RNGTT: variants seen among roughly 807,000 people sequenced by gnomAD.
RNGTT encodes the protein mRNA-capping enzyme.
In RNGTT, 33 loss-of-function variants were observed where a neutral mutation model predicts 79.3. That is an observed-to-expected ratio of 0.42 (90% CI 0.32 to 0.56). The LOEUF (loss-of-function observed/expected upper bound fraction) is 0.56, where lower values mean the gene tolerates loss of function less well. Ranked by LOEUF, RNGTT falls within the 20% of genes least tolerant of loss-of-function variation. The pLI is 0.17. For synonymous variants in RNGTT, 222 were observed against 235.9 expected (o/e 0.94, Z 0.54); for missense variants, 497 against 739.1 (o/e 0.67, Z 3.80).
chr6:88,934,520 C>G (rs1784608329), intron 2 of RNGTT, among the ~76,000 whole-genome samples: 1 of 151,956 alleles, frequency 6.6e-6, no homozygotes, highest in Admixed American at 6.6e-5. Context: ...GATTTTTTTC[C>G]TGTTGTTTCC....
intron 12 of RNGTT, among the ~76,000 whole-genome samples, chr6:88,778,801 C>A (rs1398875051): frequency 6.6e-6 from 1 of 152,160 alleles, no homozygotes; most frequent in African/African-American, 2.4e-5. Context: ...TAGGAAACAC[C>A]TTTTAACTGT....
At chr6:88,881,103 A>G (rs1033664100) in intron 8 of RNGTT, among the ~76,000 whole-genome samples, 1 of 152,240 alleles carries the variant, frequency 6.6e-6, no homozygotes, top group Non-Finnish European at 1.5e-5. Context: ...GACAAAAGAA[A>G]TATTAAGAAA....
intron 13 of RNGTT, among the ~76,000 whole-genome samples, chr6:88,698,300 A>T (rs1206748154): frequency 7.3e-6 from 1 of 137,062 alleles, no homozygotes; most frequent in African/African-American, 2.8e-5. Flanking sequence ...TCATATATAT[A>T]TGAAATATAT....
chr6:88,841,303 G>C (rs1018845604), intron 11 of RNGTT, among the ~76,000 whole-genome samples: 1 of 152,120 alleles, frequency 6.6e-6, no homozygotes, highest in African/African-American at 2.4e-5. Flanking sequence ...CATAATAAAA[G>C]TAGGATGATT....
At chr6:88,882,587 T>TATA (rs1782724324) in intron 8 of RNGTT, among the ~76,000 whole-genome samples, 1 of 152,210 alleles carries the variant, frequency 6.6e-6, no homozygotes, top group Non-Finnish European at 1.5e-5. Context: ...CAAGTTAAAA[T>TATA]ATAACCAAGT....
intron 2 of RNGTT, among the ~76,000 whole-genome samples, 197 bp from the exon 3 acceptor site, chr6:88,929,464 T>C (rs182600764): frequency 1.3e-5 from 2 of 152,208 alleles, no homozygotes; most frequent in African/African-American, 4.8e-5. Context: ...AGCAGGCACT[T>C]GATAAAATAA....
intron 12 of RNGTT, among the ~76,000 whole-genome samples, chr6:88,797,836 A>G (rs770889792): frequency 2.0e-5 from 3 of 151,234 alleles, no homozygotes; most frequent in Non-Finnish European, 2.9e-5. Flanking sequence ...GTGGAATTAG[A>G]GGGCTCAATC....
chr6:88,867,119 C>T (rs959194573), intron 8 of RNGTT, among the ~76,000 whole-genome samples: 2 of 152,158 alleles, frequency 1.3e-5, no homozygotes, highest in Non-Finnish European at 2.9e-5. Context: ...TTCACATACA[C>T]ATAGAATTGT....
intron 2 of RNGTT, among the ~76,000 whole-genome samples, chr6:88,939,923 T>G (rs1388513979): frequency 6.6e-6 from 1 of 151,394 alleles, no homozygotes; most frequent in African/African-American, 2.4e-5. Flanking sequence ...CGGCTAATTT[T>G]TTTTTTTAAT....
At chr6:88,792,967 A>G (rs956158467) in intron 12 of RNGTT, among the ~76,000 whole-genome samples, 3 of 152,268 alleles carry the variant, frequency 2.0e-5, no homozygotes, top group Non-Finnish European at 4.4e-5. Flanking sequence ...CCTTTAGAAT[A>G]TTTACCAAAA....
intron 11 of RNGTT, among the ~76,000 whole-genome samples, chr6:88,843,286 A>G (rs1381470117): frequency 1.3e-5 from 2 of 152,044 alleles, no homozygotes; most frequent in African/African-American, 4.8e-5. Flanking sequence ...AATTCTACTT[A>G]CCCTGAAGAA....
intron 9 of RNGTT, among the ~76,000 whole-genome samples, chr6:88,852,285 C>T (rs189366055): frequency 2.0e-5 from 3 of 152,104 alleles, no homozygotes; most frequent in African/African-American, 7.2e-5. Flanking sequence ...TCATAATAGG[C>T]ACTCAACAAA....
At chr6:88,788,654 T>A (rs1396290471) in intron 12 of RNGTT, among the ~76,000 whole-genome samples, 1 of 152,210 alleles carries the variant, frequency 6.6e-6, no homozygotes, top group Non-Finnish European at 1.5e-5. Flanking sequence ...GCTGACCTAG[T>A]AACCTATCCC....
At chr6:88,727,965 G>A (rs9359809) in intron 13 of RNGTT, among the ~76,000 whole-genome samples, 19,780 of 152,082 alleles carry the variant, frequency 0.13, 1,466 homozygotes, top group Middle Eastern at 0.23. Context: ...AGGAAAACTC[G>A]AGTCAGCCCG....
chr6:88,677,976 TC>T (rs1441208806), intron 14 of RNGTT: 1 of 149,294 alleles, frequency 6.7e-6, no homozygotes, highest in Non-Finnish European at 1.4e-5. Context: ...CACCTCACAT[TC>T]ACTTTTTTTT....
chr6:88,861,758 TATATA>T (rs1374535482), intron 8 of RNGTT, among the ~76,000 whole-genome samples: 1 of 152,158 alleles, frequency 6.6e-6, no homozygotes, highest in Non-Finnish European at 1.5e-5. Flanking sequence ...ACAACCTCCT[TATATA>T]ATAGTCTCTA....
chr6:88,894,361 C>T (rs1783154626), intron 6 of RNGTT, among the ~76,000 whole-genome samples: 1 of 152,038 alleles, frequency 6.6e-6, no homozygotes, highest in African/African-American at 2.4e-5. Flanking sequence ...TTTAAAAATC[C>T]ACAATGGATA....
intron 13 of RNGTT, among the ~76,000 whole-genome samples, chr6:88,692,374 T>A (rs894603629): frequency 6.6e-6 from 1 of 151,730 alleles, no homozygotes; most frequent in African/African-American, 2.4e-5. Context: ...AGCCAAAAAT[T>A]AGAAATATCT....
chr6:88,678,086 A>T, intron 14 of RNGTT: 1 of 309,576 alleles, frequency 3.2e-6, no homozygotes, highest in Non-Finnish European at 5.1e-6. Context: ...CATGGGGCTT[A>T]AGTGATCTTC....
Sources: allele counts gnomAD v4.1 joint callset (sites outside exome capture counted in the v4.1 genomes callset), GRCh38; gene constraint gnomAD v4.1.1; transcripts MANE v1.5; gene names NCBI Gene and HGNC (gene_info 2026-07-23, HGNC 2026-07-21).